ASXL3: variants seen among roughly 807,000 people sequenced by gnomAD.
ASXL3 encodes the protein putative Polycomb group protein ASXL3.
Under a neutral mutation model 170.6 loss-of-function variants are expected in ASXL3, and 34 were observed. The ratio of observed to expected loss-of-function variants is 0.20; its 90% CI spans 0.15 to 0.27. The LOEUF (loss-of-function observed/expected upper bound fraction) is 0.27, where lower values mean the gene tolerates loss of function less well. Among genes scored for constraint, ASXL3 ranks in the 10% least tolerant of loss-of-function variants. ASXL3 has a pLI of 1.00. For missense variants in ASXL3, 2,592 were observed against 2,695.3 expected (o/e 0.96, Z 0.85); for synonymous variants, 1,002 against 989.1 (o/e 1.01, Z -0.24).
chr18:33,673,931 T>C (rs1282232068), intron 7 of ASXL3, among the ~76,000 whole-genome samples: 2 of 152,140 alleles, frequency 1.3e-5, no homozygotes, highest in African/African-American at 4.8e-5. Flanking sequence ...TACAAAGTAA[T>C]GGAGATAATG....
At chr18:33,635,096 A>G (rs2065744828) in intron 2 of ASXL3, among the ~76,000 whole-genome samples, 1 of 152,176 alleles carries the variant, frequency 6.6e-6, no homozygotes, top group African/African-American at 2.4e-5. Flanking sequence ...ACATGCTGAG[A>G]GGCAGCCTGA....
intron 8 of ASXL3, among the ~76,000 whole-genome samples, chr18:33,728,380 A>G (rs949512870): frequency 1.8e-4 from 28 of 152,164 alleles, no homozygotes; most frequent in African/African-American, 4.6e-4. Context: ...ATTGAAATCT[A>G]TCTGTACAAT....
chr18:33,688,419 A>AAATTCTTCCATTATTATTCCAT, intron 8 of ASXL3, among the ~76,000 whole-genome samples: 1 of 152,342 alleles, frequency 6.6e-6, no homozygotes, highest in South Asian at 2.1e-4. Flanking sequence ...CCATTATTTG[A>AAATTCTTCCATTATTATTCCAT]AATGTCCAGA....
In ASXL3 at chr18:33,746,190, A is replaced by T; in HGVS notation, c.6342A>T (p.Ala2114=). ...DQNEMKEQLK[A]FALKSADFSS... ...ATGAAATGAAAGAACAGTTAAAAGCATTCGCGCTAAAAAGTGCAGATTTCT... is the reference window on the plus strand; with the variant it reads ...ATGAAATGAAAGAACAGTTAAAAGCTTTCGCGCTAAAAAGTGCAGATTTCT... The change falls in exon 12 of 12, where the codon GCA becomes GCT. Residue 2114 remains alanine, a synonymous_variant. Transcript: ENST00000269197. The T allele has an allele frequency of 6.2e-7, 1 of 1,613,958 alleles. No individual in the cohort carries two copies. The highest frequency in any genetic ancestry group is 1.1e-5 in the South Asian group (1 of 91,082).
chr18:33,726,660 A>G (rs905577042), intron 8 of ASXL3, among the ~76,000 whole-genome samples: 2 of 152,206 alleles, frequency 1.3e-5, no homozygotes, highest in South Asian at 4.1e-4. Flanking sequence ...ATTAGTAGAA[A>G]AATTGAAATC....
At chr18:33,634,144 A>G (rs540618744) in intron 2 of ASXL3, among the ~76,000 whole-genome samples, 1 of 152,224 alleles carries the variant, frequency 6.6e-6, no homozygotes, top group South Asian at 2.1e-4. Context: ...TTTCCATGTA[A>G]TTACATTTGC....
intron 4 of ASXL3, among the ~76,000 whole-genome samples, chr18:33,651,189 G>C (rs2065992057): frequency 6.6e-6 from 1 of 151,998 alleles, no homozygotes; most frequent in African/African-American, 2.4e-5. Flanking sequence ...GGAACCCTTG[G>C]CTTATCCCAA....
Position 33,646,363 on chromosome 18 carries a change from A to C in ASXL3, c.355+10A>C, listed in dbSNP as rs756319197. On this transcript the variant is annotated intron_variant, in intron 4 of 11. Transcript: ENST00000269197. ...GGAGAAGAAAATGGAGGTAAGTGTG[A>C]TGAATTCCAAAATATAATCCCTTGT... 6.3e-7 allele frequency: 1 copy of C among 1,576,558 alleles called. No individual in the cohort carries two copies.
At chr18:33,597,243 G>A (rs181534441) in intron 1 of ASXL3, among the ~76,000 whole-genome samples, 130 of 152,124 alleles carry the variant, frequency 8.5e-4, no homozygotes, top group African/African-American at 2.4e-3. Flanking sequence ...TTTATATGGC[G>A]GGGATGTGGG....
intron 1 of ASXL3, among the ~76,000 whole-genome samples, chr18:33,593,212 C>G (rs1599375766): frequency 6.9e-6 from 1 of 144,120 alleles, no homozygotes; most frequent in African/African-American, 2.6e-5. Context: ...AACAATACTT[C>G]TTTCTTTCTT....
At chr18:33,654,715 A>AT (rs1599452002) in intron 4 of ASXL3, among the ~76,000 whole-genome samples, 1 of 151,154 alleles carries the variant, frequency 6.6e-6, no homozygotes, top group South Asian at 2.1e-4. Flanking sequence ...CTCTGATGTC[A>AT]TTTTTCCCAC....
chr18:33,689,020 G>A (rs1401316378), intron 8 of ASXL3, among the ~76,000 whole-genome samples: 1 of 150,638 alleles, frequency 6.6e-6, no homozygotes, highest in African/African-American at 2.5e-5. Flanking sequence ...TTTTGATGGA[G>A]TCTTACCCTT....
chr18:33,623,989 T>A (rs572983248), intron 2 of ASXL3, among the ~76,000 whole-genome samples: 4 of 152,108 alleles, frequency 2.6e-5, no homozygotes, highest in Admixed American at 2.6e-4. Flanking sequence ...CAAGACCCCT[T>A]ATGTACAAAA....
chr18:33,706,248 C>A (rs936827779), intron 8 of ASXL3, among the ~76,000 whole-genome samples: 1 of 151,738 alleles, frequency 6.6e-6, no homozygotes, highest in Non-Finnish European at 1.5e-5. Context: ...AACAAGATAT[C>A]AGGCTACCAA....
intron 1 of ASXL3, among the ~76,000 whole-genome samples, chr18:33,600,697 G>C (rs2065175370): frequency 6.6e-6 from 1 of 152,114 alleles, no homozygotes; most frequent in African/African-American, 2.4e-5. Flanking sequence ...CCAAAATCCT[G>C]CAGGAAATTA....
chr18:33,651,100 C>T lies in ASXL3; in HGVS notation c.355+4747C>T, dbSNP rs1030676530. Among the ~76,000 whole-genome samples the T allele has an allele frequency of 3.9e-5, 6 of 152,076 alleles. No homozygotes were observed. The East Asian group carries it at 1.2e-3, about 29-fold the overall frequency. ...GGAACCACAGGGAACACTTAGTAGC[C>T]AGTCATCATTGGTACGGTTTGCCTT... On this transcript the variant is annotated intron_variant, in intron 4 of 11. Coordinates refer to ENST00000269197, the MANE Select transcript of ASXL3 (RefSeq NM_030632.3).
intron 7 of ASXL3, among the ~76,000 whole-genome samples, chr18:33,681,745 A>C (rs1408792369): frequency 6.6e-6 from 1 of 151,960 alleles, no homozygotes; most frequent in Non-Finnish European, 1.5e-5. Flanking sequence ...AGCTATTCAA[A>C]TATTGCCTCT....
At chr18:33,597,939 A>G (rs1021635442) in intron 1 of ASXL3, among the ~76,000 whole-genome samples, 1 of 152,176 alleles carries the variant, frequency 6.6e-6, no homozygotes, top group African/African-American at 2.4e-5. Context: ...ATTATGTATT[A>G]GCTGCTCTTA....
At chr18:33,685,049 G>A (rs888335904) in intron 8 of ASXL3, among the ~76,000 whole-genome samples, 2 of 152,104 alleles carry the variant, frequency 1.3e-5, no homozygotes, top group Non-Finnish European at 2.9e-5. Flanking sequence ...GAGTCTGAAT[G>A]GTGTTCTCCC....
Sources: gnomAD v4.1 joint callset for allele counts (sites outside exome capture counted in the v4.1 genomes callset) on GRCh38, gnomAD v4.1.1 for gene constraint, MANE v1.5 for transcripts, NCBI Gene and HGNC (gene_info 2026-07-23, HGNC 2026-07-21) for gene names.